GAS2: variants seen among roughly 807,000 people sequenced by gnomAD.
GAS2 encodes the protein growth arrest specific 2, also known as growth arrest-specific protein 2.
In GAS2, 20 loss-of-function variants were observed where a neutral mutation model predicts 37.5. The ratio of observed to expected loss-of-function variants is 0.53; its 90% CI spans 0.37 to 0.77. The LOEUF (loss-of-function observed/expected upper bound fraction) is 0.77, where lower values mean the gene tolerates loss of function less well. GAS2 is among the 30% of genes least tolerant of loss of function. The pLI is 0.00. For synonymous variants in GAS2, 144 were observed against 132.2 expected (o/e 1.09, Z -0.61); for missense variants, 336 against 373.4 (o/e 0.90, Z 0.82).
At chr11:22,759,740 C>G (rs1854269820) in intron 7 of GAS2, among the ~76,000 whole-genome samples, 1 of 152,138 alleles carries the variant, frequency 6.6e-6, no homozygotes, top group South Asian at 2.1e-4. Flanking sequence ...CCCATTCAAC[C>G]ATAATACGTA....
At chr11:22,732,672 A>G (rs1002566427) in intron 4 of GAS2, among the ~76,000 whole-genome samples, 1 of 151,654 alleles carries the variant, frequency 6.6e-6, no homozygotes, top group African/African-American at 2.4e-5. Context: ...CTTGGGAAGC[A>G]TGAAAGTTTT....
chr11:22,675,355 C>G lies in GAS2; in HGVS notation c.145+341C>G, dbSNP rs1013162918. ...TACTCTTTTGACATTGTACACAGGC[C>G]ACAGTGTCTGTAAAATCTGGCTTCT... On this transcript the variant is annotated intron_variant, in intron 2 of 7. Transcript: ENST00000454584. Among the ~76,000 whole-genome samples the G allele has an allele frequency of 3.3e-5, 5 of 152,172 alleles. No individual in the cohort carries two copies. The East Asian group carries it at 9.6e-4, about 29-fold the overall frequency.
chr11:22,651,468 C>T (rs1287433832), intron 1 of GAS2, among the ~76,000 whole-genome samples: 1 of 152,118 alleles, frequency 6.6e-6, no homozygotes, highest in Non-Finnish European at 1.5e-5. Flanking sequence ...GTTGGCCTGC[C>T]TTGCTAGATT....
chr11:22,789,809 A>AAT (rs987009628), intron 7 of GAS2, among the ~76,000 whole-genome samples: 4 of 152,060 alleles, frequency 2.6e-5, no homozygotes, highest in African/African-American at 9.7e-5. Context: ...GCAGAAAAGA[A>AAT]ATATATATCT....
At chr11:22,785,595 A>G (rs1271140424) in intron 7 of GAS2, among the ~76,000 whole-genome samples, 2 of 152,152 alleles carry the variant, frequency 1.3e-5, no homozygotes, top group Admixed American at 1.3e-4. Context: ...TGCCTTGACA[A>G]TTTATGCAGA....
upstream of GAS2, among the ~76,000 whole-genome samples, chr11:22,662,729 A>G (rs190597142): frequency 6.6e-6 from 1 of 152,176 alleles, no homozygotes; most frequent in East Asian, 1.9e-4. Context: ...GATATTTAAA[A>G]CTAGATGAGG....
chr11:22,771,266 G>A (rs11026783), intron 7 of GAS2, among the ~76,000 whole-genome samples: 71,804 of 151,906 alleles, frequency 0.47, 18,912 homozygotes, highest in South Asian at 0.62. Flanking sequence ...TGAGCTTATT[G>A]TTAAAAATTG....
chr11:22,746,964 C>G (rs1853440734), intron 5 of GAS2, among the ~76,000 whole-genome samples: 1 of 152,120 alleles, frequency 6.6e-6, no homozygotes. Flanking sequence ...ATTGTTGGTA[C>G]TTGTCAAGAG....
In GAS2 at chr11:22,635,055, C is replaced by T. The variant is rs569565660; in HGVS notation, c.-21+9242C>T. 4.6e-5 allele frequency among the ~76,000 whole-genome samples: 7 copies of T among 152,188 alleles called. No homozygotes were observed. The East Asian group carries it at 9.7e-4, about 21-fold the overall frequency. The stretch of plus-strand genomic sequence containing the variant: ...TGTCAGTTGGCCTCCAGCCAGGAGG[C>T]GGTGCTTGCAAAAGAGTGTCAGCTG... On this transcript the variant is annotated intron_variant, in intron 1 of 5. Coordinates refer to the GAS2 transcript ENST00000528582.
chr11:22,730,680 T>C (rs908587695), intron 4 of GAS2, among the ~76,000 whole-genome samples: 10 of 151,880 alleles, frequency 6.6e-5, no homozygotes, highest in African/African-American at 2.2e-4. Context: ...TTTCTTGAAT[T>C]CAAAAGTATG....
In GAS2 at chr11:22,788,320, C is replaced by T. The variant is rs559691435; in HGVS notation, c.724-23478C>T. ...AAGTTTCAGTATGATTTGACTTCTTCATATGAACAATCATATGATATAGAA... is the reference window on the plus strand; with the variant it reads ...AAGTTTCAGTATGATTTGACTTCTTTATATGAACAATCATATGATATAGAA... On this transcript the variant is annotated intron_variant, in intron 7 of 7. Transcript: ENST00000454584. 1.1e-4 allele frequency among the ~76,000 whole-genome samples: 16 copies of T among 152,268 alleles called. No homozygotes were observed. The South Asian group carries it at 3.3e-3, about 32-fold the overall frequency.
intron 7 of GAS2, among the ~76,000 whole-genome samples, chr11:22,794,110 AT>A (rs3049473): frequency 5.3e-5 from 8 of 149,648 alleles, no homozygotes; most frequent in African/African-American, 1.2e-4. Flanking sequence ...TAATAAAACA[AT>A]TTTTTTTTTT....
At chr11:22,665,098 C>T (rs1460487756), upstream of GAS2, among the ~76,000 whole-genome samples, 3 of 151,728 alleles carry the variant, frequency 2.0e-5, no homozygotes, top group African/African-American at 4.8e-5. Context: ...CCTTTTTTTC[C>T]CCAAACTGTA....
intron 1 of GAS2, among the ~76,000 whole-genome samples, chr11:22,672,009 T>C (rs1228091729): frequency 6.6e-6 from 1 of 152,136 alleles, no homozygotes. Context: ...TCATGAGAAA[T>C]TGGATTGAGA....
At chr11:22,683,997 G>A (rs1297020076) in intron 2 of GAS2, among the ~76,000 whole-genome samples, 1 of 152,156 alleles carries the variant, frequency 6.6e-6, no homozygotes, top group African/African-American at 2.4e-5. Flanking sequence ...AATGTGTACT[G>A]GATGAATCTC....
rs377493163 is a variant in GAS2, at chr11:22,802,006, AAT to A, written c.724-9788_724-9787del. ...GTGTTTCTTCTCATTACTGAGAGAA[AAT>A]ATAAAAAAAAAAGCAAAAAGACAAC... On this transcript the variant is annotated intron_variant, in intron 7 of 7. Transcript: ENST00000454584. Among the ~76,000 whole-genome samples, 11 of 152,242 alleles carry A rather than the reference AAT, an allele frequency of 7.2e-5. No homozygotes were observed. The East Asian group carries it at 2.1e-3, about 29-fold the overall frequency.
chr11:22,663,832 TTC>T (rs1324081387), upstream of GAS2, among the ~76,000 whole-genome samples: 1 of 152,216 alleles, frequency 6.6e-6, no homozygotes, highest in Non-Finnish European at 1.5e-5. Flanking sequence ...ATAAAATTTA[TTC>T]TCTTTGCCTT....
At position 22,781,368 on chromosome 11, in the gene GAS2, C is replaced by G. The variant is rs1316696642; in HGVS notation, c.723+25415C>G. Among the ~76,000 whole-genome samples the G allele has an allele frequency of 3.3e-5, 5 of 152,264 alleles. No homozygotes were observed. The East Asian group carries it at 7.7e-4, about 24-fold the overall frequency. Reference sequence around the variant, plus strand: ...TATTATGGCTTTTCTCACAGAATATCTATTTCCTGACATGTTCCCGCCTCT... The same window carrying G: ...TATTATGGCTTTTCTCACAGAATATGTATTTCCTGACATGTTCCCGCCTCT... On this transcript the variant is annotated intron_variant, in intron 7 of 7. Transcript: ENST00000454584.
Position 22,650,818 on chromosome 11 carries a change from C to A in GAS2, c.-20-24032C>A, listed in dbSNP as rs980986323. 1.1e-3 allele frequency among the ~76,000 whole-genome samples: 161 copies of A among 151,976 alleles called. 1 individual carries two copies. In the East Asian group the frequency reaches 0.022, roughly 20 times the overall value. ...ATTTTGAGCCTATGTGTGTCTCTGC[C>A]CGTGAGATGGGTTTCCTGAATACAG... On this transcript the variant is annotated intron_variant, in intron 1 of 5. Transcript: ENST00000528582.
Sources: allele counts gnomAD v4.1 joint callset (sites outside exome capture counted in the v4.1 genomes callset), GRCh38; gene constraint gnomAD v4.1.1; transcripts MANE v1.5; gene names NCBI Gene and HGNC (gene_info 2026-07-23, HGNC 2026-07-21).